Variants in NRXN1 observed in about 807,000 individuals in gnomAD.
NRXN1 encodes the protein neurexin-1.
A neutral mutation model predicts 150.9 loss-of-function variants in NRXN1; 39 were observed. That is an observed-to-expected ratio of 0.26 (90% CI 0.20 to 0.34). NRXN1 has a LOEUF of 0.34. NRXN1 is among the 10% of genes least tolerant of loss of function. The pLI, the probability that NRXN1 is intolerant of heterozygous loss-of-function variation, is 1.00. For missense variants in NRXN1, 1,815 were observed against 1,949.9 expected (o/e 0.93, Z 1.30); for synonymous variants, 924 against 757.0 (o/e 1.22, Z -3.62).
At chr2:50,713,975 T>C (rs764765867) in intron 5 of NRXN1, among the ~76,000 whole-genome samples, 13 of 152,110 alleles carry the variant, frequency 8.5e-5, no homozygotes, top group Non-Finnish European at 1.5e-4. Flanking sequence ...TCAACAACGA[T>C]ATAAATATTG....
chr2:50,552,216 T>C (rs547383683), intron 9 of NRXN1, among the ~76,000 whole-genome samples: 1 of 152,300 alleles, frequency 6.6e-6, no homozygotes, highest in South Asian at 2.1e-4. Flanking sequence ...TATTTTATAT[T>C]TGCCACTTCG....
chr2:50,882,857 A>G (rs1049030612), intron 5 of NRXN1, among the ~76,000 whole-genome samples: 2 of 151,848 alleles, frequency 1.3e-5, no homozygotes, highest in African/African-American at 4.8e-5. Flanking sequence ...TATACATACA[A>G]AAGTGTCAGA....
At chr2:50,828,674 G>A (rs528058721) in intron 5 of NRXN1, among the ~76,000 whole-genome samples, 27 of 151,626 alleles carry the variant, frequency 1.8e-4, no homozygotes, top group Admixed American at 1.2e-3. Flanking sequence ...ATGGGATGGC[G>A]GCCGGGAAGA....
intron 9 of NRXN1, among the ~76,000 whole-genome samples, chr2:50,540,669 T>G (rs2093368407): frequency 6.6e-6 from 1 of 152,102 alleles, no homozygotes; most frequent in Non-Finnish European, 1.5e-5. Context: ...TGTTCTTTTT[T>G]TTTTTCTTTC....
chr2:50,130,930 T>C (rs537311390), intron 18 of NRXN1, among the ~76,000 whole-genome samples: 1 of 152,324 alleles, frequency 6.6e-6, no homozygotes, highest in Non-Finnish European at 1.5e-5. Context: ...TAATAATATT[T>C]AATATACAAT....
intron 5 of NRXN1, among the ~76,000 whole-genome samples, chr2:50,747,760 T>A (rs1268462588): frequency 6.6e-6 from 1 of 152,134 alleles, no homozygotes; most frequent in African/African-American, 2.4e-5. Flanking sequence ...AATCTTCTAA[T>A]TATTTTACAC....
rs140364253 is a variant in NRXN1, at chr2:50,519,625, G to T, written c.2374+9000C>A. Among the ~76,000 whole-genome samples the T allele has an allele frequency of 1.1e-3, 166 of 152,004 alleles. 2 individuals carry two copies. The East Asian group carries it at 0.03, about 27-fold the overall frequency. On this transcript the variant is annotated intron_variant, in intron 12 of 22. Transcript: ENST00000401669. ...TATGTCTCTGTGCCTGTTTCTGGTT[G>T]ATCTTCCTAAGGTAAGATTATGTTA...
chr2:50,672,033 C>T (rs1243441811), intron 5 of NRXN1, among the ~76,000 whole-genome samples: 1 of 151,764 alleles, frequency 6.6e-6, no homozygotes. Flanking sequence ...AATGTAAAAA[C>T]TACATGTAAA....
intron 5 of NRXN1, among the ~76,000 whole-genome samples, chr2:50,851,414 A>C (rs1424764407): frequency 6.6e-6 from 1 of 152,118 alleles, no homozygotes; most frequent in African/African-American, 2.4e-5. Flanking sequence ...CATAATTTCT[A>C]TTGCTTTACT....
chr2:50,344,566 C>T (rs2077789585), intron 17 of NRXN1, among the ~76,000 whole-genome samples: 1 of 152,200 alleles, frequency 6.6e-6, no homozygotes. Context: ...ATTTTCTCTA[C>T]TATCCTATTC....
chr2:50,302,651 A>G (rs1008066226), intron 17 of NRXN1, among the ~76,000 whole-genome samples: 1 of 152,192 alleles, frequency 6.6e-6, no homozygotes, highest in Non-Finnish European at 1.5e-5. Flanking sequence ...ATTTTAAAAT[A>G]AACATTCTCC....
At chr2:50,429,351 G>C (rs928399386) in intron 17 of NRXN1, among the ~76,000 whole-genome samples, 1 of 152,130 alleles carries the variant, frequency 6.6e-6, no homozygotes, top group Non-Finnish European at 1.5e-5. Context: ...CCACCTCCCA[G>C]GTTCAAGCAA....
chr2:50,281,974 T>C (rs1388886897), intron 17 of NRXN1, among the ~76,000 whole-genome samples: 3 of 152,172 alleles, frequency 2.0e-5, no homozygotes, highest in Non-Finnish European at 4.4e-5. Flanking sequence ...GAGAAATTAA[T>C]TCCATTGTTA....
At chr2:49,947,592 C>T (rs1488287671) in intron 21 of NRXN1, among the ~76,000 whole-genome samples, 1 of 146,268 alleles carries the variant, frequency 6.8e-6, no homozygotes, top group African/African-American at 2.5e-5. Flanking sequence ...GAACTCTTGG[C>T]CTCAAGCAAT....
intron 2 of NRXN1, among the ~76,000 whole-genome samples, chr2:51,005,183 A>T (rs1700556366): frequency 6.6e-6 from 1 of 151,712 alleles, no homozygotes; most frequent in Non-Finnish European, 1.5e-5. Context: ...TTTATTCCTC[A>T]TCTTCTTTAT....
At chr2:51,026,629 A>C (rs1196731739) in intron 2 of NRXN1, among the ~76,000 whole-genome samples, 1 of 152,194 alleles carries the variant, frequency 6.6e-6, no homozygotes, top group Non-Finnish European at 1.5e-5. Context: ...CCTTACATGC[A>C]TCCCTGTTTA....
chr2:50,588,924 C>A (rs10179269), intron 8 of NRXN1: 4 of 151,920 alleles, frequency 2.6e-5, no homozygotes, highest in East Asian at 1.9e-4. Flanking sequence ...TGAGCTCATA[C>A]AATAAATCCT....
intron 5 of NRXN1, among the ~76,000 whole-genome samples, chr2:50,915,938 A>G (rs188176636): frequency 1.1e-3 from 159 of 149,620 alleles, no homozygotes; most frequent in Non-Finnish European, 1.9e-3. Context: ...TAAGGAACAA[A>G]TCTGGAATAT....
chr2:50,234,252 G>C (rs1371479290), intron 18 of NRXN1, among the ~76,000 whole-genome samples: 1 of 152,058 alleles, frequency 6.6e-6, no homozygotes. Flanking sequence ...CCAGTACTTT[G>C]GGAGGCAGAA....
Sources: gnomAD v4.1 joint callset for allele counts (sites outside exome capture counted in the v4.1 genomes callset) on GRCh38, gnomAD v4.1.1 for gene constraint, MANE v1.5 for transcripts, NCBI Gene and HGNC (gene_info 2026-07-23, HGNC 2026-07-21) for gene names.